TXNRD1: variants seen among roughly 807,000 people sequenced by gnomAD.
TXNRD1 encodes thioredoxin reductase 1, cytoplasmic.
In TXNRD1, 57 loss-of-function variants were observed where a neutral mutation model predicts 80.3. The ratio of observed to expected loss-of-function variants is 0.71; its 90% confidence interval spans 0.57 to 0.89. The LOEUF (loss-of-function observed/expected upper bound fraction) is 0.89. TXNRD1 is among the 40% of genes least tolerant of loss of function. TXNRD1 has a pLI of 0.00. For synonymous variants in TXNRD1, 291 were observed against 285.2 expected (o/e 1.02, Z -0.20); for missense variants, 730 against 803.0 (o/e 0.91, Z 1.10).
chr12:104,221,509 G>A (rs576018256), intron 1 of TXNRD1, among the ~76,000 whole-genome samples: 4 of 152,012 alleles, frequency 2.6e-5, no homozygotes, highest in African/African-American at 9.7e-5. Context: ...TAAAGACAAG[G>A]GTTTCTCCAT....
chr12:104,313,300 C>G lies in TXNRD1; in HGVS notation c.593C>G (p.Pro198Arg), dbSNP rs376722303. 7 of 1,590,202 alleles carry G rather than the reference C, an allele frequency of 4.4e-6. No homozygotes were observed. The highest frequency in any genetic ancestry group is 2.3e-5 in the East Asian group (1 of 44,364). ...VMVLDFVTPTPLGTRWGLGGT... is the reference protein window; with the variant it reads ...VMVLDFVTPTRLGTRWGLGGT... ...GTCCTGGACTTTGTCACTCCCACCCCTCTTGGAACTAGATGGGGTAAGCTT... is the reference window on the plus strand; with the variant it reads ...GTCCTGGACTTTGTCACTCCCACCCGTCTTGGAACTAGATGGGGTAAGCTT... Residue 198 changes from proline (P) to arginine (R), a missense_variant, in exon 6 of 17, where the codon CCT (proline) becomes CGT (arginine). Pro to Arg is a moderately radical substitution (Grantham distance 103). Transcript: ENST00000525566.
chr12:104,259,250 G>A (rs78534749), intron 3 of TXNRD1, among the ~76,000 whole-genome samples: 1 of 151,162 alleles, frequency 6.6e-6, no homozygotes, highest in Non-Finnish European at 1.5e-5. Context: ...GTGTGGTGGT[G>A]TGCACCTGTA....
In TXNRD1 at chr12:104,292,601, G is replaced by GAGA. The variant is rs1408390961; in HGVS notation, c.414+3561_414+3562insAGA. ...GTAGAGATGTGGTTTTGCCATGTTG[G>GAGA]TCGGGCTGGTCTCGATCTCCTGACC... On this transcript the variant is annotated intron_variant, in intron 4 of 16. Coordinates refer to ENST00000525566, the MANE Select transcript of TXNRD1 (RefSeq NM_001093771.3). 8.4e-3 allele frequency among the ~76,000 whole-genome samples: 1,274 copies of GAGA among 152,060 alleles called. 19 individuals are homozygous for GAGA. Among genetic ancestry groups the GAGA allele is most frequent in the African/African-American group, 0.029 (1,183 of 41,450 alleles).
intron 3 of TXNRD1, chr12:104,287,231 G>A (rs2034000112): frequency 1.2e-6 from 2 of 1,612,406 alleles, no homozygotes; most frequent in South Asian, 2.2e-5. Flanking sequence ...GCGTCTCGGG[G>A]AAGGGAAGAT....
At chr12:104,303,789 G>C (rs1343617948) in intron 4 of TXNRD1, 4 of 1,288,278 alleles carry the variant, frequency 3.1e-6, no homozygotes, top group South Asian at 1.6e-5. Flanking sequence ...CACGCTGGGA[G>C]GGCCGTTACC....
At chr12:104,307,780 G>A (rs2034981522) in intron 4 of TXNRD1, among the ~76,000 whole-genome samples, 1 of 152,166 alleles carries the variant, frequency 6.6e-6, no homozygotes, top group Non-Finnish European at 1.5e-5. Flanking sequence ...CTGGAGCAGT[G>A]TTTTACTAGG....
In TXNRD1 at chr12:104,313,235, T is replaced by C; in HGVS notation, c.538-10T>C. ...CCTTTCCAACTCACTTTAATAATTT[T>C]ATTTTCCAGGAGGCAGCCCAATATG... On this transcript the variant is annotated splice_polypyrimidine_tract_variant and intron_variant, in intron 5 of 16. Transcript: ENST00000525566. The C allele has an allele frequency of 1.9e-6, 3 of 1,568,996 alleles. No individual in the cohort carries two copies. The highest frequency in any genetic ancestry group is 2.6e-6 in the Non-Finnish European group (3 of 1,154,942).
In TXNRD1 at chr12:104,349,405, T is replaced by C. The variant is rs916561734; in HGVS notation, c.*984T>C. ...TACATTAGTAGGAAAATAAGTCTTT[T>C]CATGCTTATGATTTAGCTGTTTTGT... is the stretch of plus-strand genomic sequence containing the variant. On this transcript the variant is annotated 3_prime_UTR_variant, in exon 17 of 17. Coordinates refer to ENST00000525566, the MANE Select transcript of TXNRD1 (RefSeq NM_001093771.3). 10 of 152,696 alleles carry C rather than the reference T, an allele frequency of 6.5e-5. No homozygotes were observed. The highest frequency in any genetic ancestry group is 2.4e-4 in the African/African-American group (10 of 41,480). The allele number at this position is 152,696 out of a possible 1,614,324, so 9.5% of individuals were successfully genotyped here. A position where few individuals can be genotyped will look rare whatever the true frequency, so the allele number is the denominator to read the frequency against.
intron 3 of TXNRD1, among the ~76,000 whole-genome samples, chr12:104,272,172 C>A (rs1456488864): frequency 1.3e-5 from 2 of 152,076 alleles, no homozygotes; most frequent in Non-Finnish European, 2.9e-5. Context: ...AAGGGTGCGC[C>A]CTTACAGACG....
intron 4 of TXNRD1, chr12:104,305,120 TAAAAC>T (rs1359332240): frequency 1.4e-5 from 8 of 570,532 alleles, no homozygotes; most frequent in African/African-American, 7.8e-5. Context: ...CTTCTGTTAT[TAAAAC>T]AAATTCACTG....
intron 7 of TXNRD1, among the ~76,000 whole-genome samples, chr12:104,316,305 G>A (rs1256636593): frequency 6.6e-6 from 1 of 151,726 alleles, no homozygotes; most frequent in Non-Finnish European, 1.5e-5. Flanking sequence ...AGGAGGGGGT[G>A]GTTAGGCTTT....
chr12:104,284,860 A>G (rs559084277), intron 3 of TXNRD1, among the ~76,000 whole-genome samples: 18 of 152,290 alleles, frequency 1.2e-4, no homozygotes, highest in African/African-American at 3.1e-4. Context: ...TGCGAAATGT[A>G]TGATTAAAAC....
In TXNRD1 at chr12:104,325,326, C is replaced by T. The variant is rs1354953234; in HGVS notation, c.1216-11C>T. On this transcript the variant is annotated splice_polypyrimidine_tract_variant and intron_variant, in intron 10 of 16. Coordinates refer to ENST00000525566, the MANE Select transcript of TXNRD1 (RefSeq NM_001093771.3). ...TCTTTATTTCACAGTAAAACTTTATCACTCTTACAGGTTGAACAAATTGAA... is the reference window on the plus strand; with the variant it reads ...TCTTTATTTCACAGTAAAACTTTATTACTCTTACAGGTTGAACAAATTGAA... 6.2e-7 allele frequency: 1 copy of T among 1,601,030 alleles called. No individual in the cohort carries two copies. Among genetic ancestry groups the T allele is most frequent in the Admixed American group, 1.7e-5 (1 of 59,472 alleles).
intron 1 of TXNRD1, among the ~76,000 whole-genome samples, chr12:104,220,436 A>G (rs2032323942): frequency 6.6e-6 from 1 of 152,090 alleles, no homozygotes; most frequent in African/African-American, 2.4e-5. Context: ...TAAAAAGTGT[A>G]TTTTAGGCCA....
intron 3 of TXNRD1, among the ~76,000 whole-genome samples, chr12:104,258,448 G>A (rs558361326): frequency 4.6e-5 from 7 of 152,284 alleles, no homozygotes; most frequent in Admixed American, 3.9e-4. Flanking sequence ...AAACTGAGAT[G>A]CATTCAGAAA....
chr12:104,332,329 A>G (rs2035979045), intron 14 of TXNRD1, among the ~76,000 whole-genome samples: 1 of 152,242 alleles, frequency 6.6e-6, no homozygotes, highest in South Asian at 2.1e-4. Context: ...GAATAAGTCA[A>G]TTTTTAAAAA....
chr12:104,220,152 A>T (rs1041657646), intron 1 of TXNRD1, among the ~76,000 whole-genome samples: 5 of 152,174 alleles, frequency 3.3e-5, no homozygotes, highest in Non-Finnish European at 7.3e-5. Flanking sequence ...GCTACTGCAG[A>T]TCACTGAGGC....
intron 3 of TXNRD1, among the ~76,000 whole-genome samples, chr12:104,280,062 C>CA (rs34627940): frequency 0.5 from 42,116 of 84,534 alleles, 10,616 homozygotes; most frequent in Middle Eastern, 0.62. Context: ...GACTCTGTCT[C>CA]AAAAAAAAAA....
rs759930904 is a variant in TXNRD1, at chr12:104,348,405, C to T, written c.1934C>T (p.Ala645Val). The T allele has an allele frequency of 1.2e-6, 2 of 1,614,048 alleles. No homozygotes were observed. The highest frequency in any genetic ancestry group is 1.7e-5 in the Admixed American group (1 of 60,024). The change falls in exon 17 of 17, where the codon GCT becomes GTT. Residue 645 changes from alanine to valine, a missense_variant. Transcript: ENST00000525566. ...TKRSGASILQ[A>V]GCUG is the part of the protein sequence containing the mutation. ...CGCTCTGGGGCAAGCATCCTCCAGG[C>T]TGGCTGCTGAGGTTAAGCCCCAGTG...
Sources: allele counts gnomAD v4.1 joint callset (sites outside exome capture counted in the v4.1 genomes callset), GRCh38; gene constraint gnomAD v4.1.1; transcripts MANE v1.5; gene names NCBI Gene and HGNC (gene_info 2026-07-23, HGNC 2026-07-21).